The following CIT variants were observed in gnomAD, a reference collection of about 807,000 sequenced individuals.
CIT encodes the protein citron rho-interacting serine/threonine kinase.
Under a neutral mutation model 272.7 loss-of-function variants are expected in CIT, and 79 were observed. The ratio of observed to expected loss-of-function variants is 0.29; its 90% confidence interval spans 0.24 to 0.35. CIT has a LOEUF of 0.35. Among genes scored for constraint, CIT ranks in the 10% least tolerant of loss-of-function variants. CIT has a pLI of 1.00. For synonymous variants in CIT, 948 were observed against 995.6 expected (o/e 0.95, Z 0.90); for missense variants, 1,909 against 2,618.3 (o/e 0.73, Z 5.91).
In CIT at chr12:119,686,773, G is replaced by A. The variant is rs278123; in HGVS notation, c.*1459C>T. On this transcript the variant is annotated 3_prime_UTR_variant, in exon 48 of 48. Transcript: ENST00000392521. Reference sequence around the variant, plus strand: ...ACTGCAAAGCCTCTAGGTTGGTTCTGTACCAGTTGCCAGGAATTTCGTACT... The same window carrying A: ...ACTGCAAAGCCTCTAGGTTGGTTCTATACCAGTTGCCAGGAATTTCGTACT... 0.34 allele frequency: 51,909 copies of A among 152,464 alleles called. 9,792 individuals carry two copies. Among genetic ancestry groups the A allele is most frequent in the African/African-American group, 0.49 (20,362 of 41,452 alleles). The allele number at this position is 152,464 out of a possible 1,614,324, so 9.4% of individuals were successfully genotyped here.
At chr12:119,703,732 C>T (rs1956719021) in intron 41 of CIT, among the ~76,000 whole-genome samples, 1 of 152,110 alleles carries the variant, frequency 6.6e-6, no homozygotes, top group African/African-American at 2.4e-5. Context: ...AGCCTCATTT[C>T]ATTTTTGAGA....
At chr12:119,825,059 C>G (rs1054351294) in intron 8 of CIT, 106 bp downstream of exon 8, 2 of 956,378 alleles carry the variant, frequency 2.1e-6, no homozygotes, top group Non-Finnish European at 3.2e-6. Flanking sequence ...CTCGGCCTCC[C>G]AAAGTGCCGG....
intron 15 of CIT, 96 bp from the exon 16 acceptor site, chr12:119,775,935 G>A: frequency 1.0e-6 from 1 of 981,964 alleles, no homozygotes; most frequent in Non-Finnish European, 1.5e-6. Context: ...GTTTCTATGG[G>A]GTCTTTTTCT....
At chr12:119,734,697 C>T (rs543309241) in intron 25 of CIT, among the ~76,000 whole-genome samples, 13 of 152,288 alleles carry the variant, frequency 8.5e-5, no homozygotes, top group African/African-American at 3.1e-4. Context: ...AGTACAGTGG[C>T]ATGATCACAG....
intron 5 of CIT, among the ~76,000 whole-genome samples, chr12:119,838,074 T>G (rs1366874778): frequency 4.6e-5 from 7 of 152,066 alleles, no homozygotes; most frequent in Admixed American, 4.6e-4. Flanking sequence ...AGAGTTTTGT[T>G]TTTTTGGGTT....
intron 20 of CIT, among the ~76,000 whole-genome samples, chr12:119,759,645 CAAAAA>C (rs1961490121): frequency 6.6e-6 from 1 of 151,914 alleles, no homozygotes; most frequent in African/African-American, 2.4e-5. Flanking sequence ...GACTCCGTCT[CAAAAA>C]CAAAACAAAA....
In CIT at chr12:119,753,020, A is replaced by T. The variant is rs1217436452; in HGVS notation, c.2707-773T>A. On this transcript the variant is annotated intron_variant, in intron 22 of 47. Coordinates refer to ENST00000392521, the MANE Select transcript of CIT (RefSeq NM_001206999.2). ...TCTGTTGAAGAATATGCAGGAGTCA[A>T]ACAAGCAGGTAAGAGGTGAAAGAAA... Among the ~76,000 whole-genome samples, 9 of 152,184 alleles carry T rather than the reference A, an allele frequency of 5.9e-5. No homozygotes were observed. The East Asian group carries it at 1.7e-3, about 29-fold the overall frequency.
chr12:119,704,316 C>T, intron 41 of CIT, 47 bp downstream of exon 41: 1 of 1,546,190 alleles, frequency 6.5e-7, no homozygotes. Flanking sequence ...GCTGAGAGAG[C>T]AGGACTGGCT....
intron 5 of CIT, among the ~76,000 whole-genome samples, chr12:119,845,944 A>ACACG (rs1969776123): frequency 5.9e-5 from 1 of 16,884 alleles, no homozygotes; most frequent in African/African-American, 3.7e-4. Flanking sequence ...CCATCTCAAA[A>ACACG]CACACACACA....
At chr12:119,809,923 C>T (rs1007078567) in intron 9 of CIT, among the ~76,000 whole-genome samples, 5 of 152,220 alleles carry the variant, frequency 3.3e-5, no homozygotes, top group Admixed American at 2.6e-4. Flanking sequence ...TAGCTGAACA[C>T]GTGGAGGTTC....
intron 10 of CIT, among the ~76,000 whole-genome samples, chr12:119,787,350 G>A (rs1053543320): frequency 5.9e-5 from 9 of 151,868 alleles, no homozygotes; most frequent in African/African-American, 1.5e-4. Flanking sequence ...AGGATCGCTC[G>A]AGCCCAGGAG....
At chr12:119,860,895 C>T (rs557313378) in intron 3 of CIT, among the ~76,000 whole-genome samples, 4 of 150,926 alleles carry the variant, frequency 2.7e-5, no homozygotes, top group African/African-American at 4.9e-5. Flanking sequence ...CCCAGGTGGG[C>T]GGATCACCTG....
chr12:119,793,672 T>C (rs1165122820), intron 10 of CIT, among the ~76,000 whole-genome samples: 1 of 152,196 alleles, frequency 6.6e-6, no homozygotes, highest in Non-Finnish European at 1.5e-5. Context: ...GCCTTTGCCC[T>C]TTTTTCCTCT....
At chr12:119,734,378 T>C in intron 25 of CIT, 21 bp from the exon 26 acceptor site, 1 of 1,608,874 alleles carries the variant, frequency 6.2e-7, no homozygotes, top group Non-Finnish European at 8.5e-7. Flanking sequence ...GTAGCACTGA[T>C]TTGTGCCTTG....
At chr12:119,733,845 T>C (rs1044290214) in intron 26 of CIT, among the ~76,000 whole-genome samples, 14 of 152,144 alleles carry the variant, frequency 9.2e-5, no homozygotes, top group Non-Finnish European at 1.8e-4. Context: ...GGCCTTGCTA[T>C]GGTCACTCTG....
At chr12:119,692,170 C>T (rs763210055) in intron 46 of CIT, among the ~76,000 whole-genome samples, 2 of 152,130 alleles carry the variant, frequency 1.3e-5, no homozygotes, top group African/African-American at 2.4e-5. Flanking sequence ...TTGAAAAAGC[C>T]GGGCACAGTG....
intron 47 of CIT, among the ~76,000 whole-genome samples, chr12:119,688,767 C>T (rs1156719775): frequency 6.6e-6 from 1 of 152,250 alleles, no homozygotes; most frequent in Non-Finnish European, 1.5e-5. Context: ...ACAGATCATT[C>T]ATGCACATGA....
At chr12:119,707,028 G>A (rs1956910631) in intron 40 of CIT, among the ~76,000 whole-genome samples, 2 of 150,582 alleles carry the variant, frequency 1.3e-5, no homozygotes, top group Admixed American at 1.3e-4. Flanking sequence ...AGCTACAAAT[G>A]AATTAACTTG....
At chr12:119,781,247 C>T (rs1324534707) in intron 13 of CIT, among the ~76,000 whole-genome samples, 1 of 152,222 alleles carries the variant, frequency 6.6e-6, no homozygotes, top group Non-Finnish European at 1.5e-5. Context: ...TACAGGGTTT[C>T]CGTCCTATGC....
Sources: gnomAD v4.1 joint callset for allele counts (sites outside exome capture counted in the v4.1 genomes callset) on GRCh38, gnomAD v4.1.1 for gene constraint, MANE v1.5 for transcripts, NCBI Gene and HGNC (gene_info 2026-07-23, HGNC 2026-07-21) for gene names.